The following INTS1 variants were observed in gnomAD, a reference collection of about 807,000 sequenced individuals.
INTS1 encodes the protein integrator complex subunit 1.
A neutral mutation model predicts 241.6 loss-of-function variants in INTS1; 137 were observed. The observed-to-expected ratio is 0.57, with a 90% confidence interval of 0.49 to 0.65. The LOEUF is 0.65. INTS1 is among the 30% of genes least tolerant of loss of function. The probability of loss-of-function intolerance (pLI) is 0.00; values close to 1 mark genes in which losing one functional copy is unlikely to be tolerated. For missense variants in INTS1, 3,073 were observed against 3,032.2 expected (o/e 1.01, Z -0.32); for synonymous variants, 1,692 against 1,337.8 (o/e 1.26, Z -5.78).
Position 1,472,389 on chromosome 7 carries a change from G to GTC in INTS1, c.6071-4_6071-3insGA. 6.5e-7 allele frequency: 1 copy of GTC among 1,535,090 alleles called. No homozygotes were observed. Among genetic ancestry groups the GTC allele is most frequent in the Non-Finnish European group, 8.8e-7 (1 of 1,135,772 alleles). On this transcript the variant is annotated splice_region_variant and splice_polypyrimidine_tract_variant and intron_variant, in intron 43 of 47. Transcript: ENST00000404767. Reference sequence around the variant, plus strand: ...CAAGGAGCCGGCTGAGCTCTCCTCTGGAAGACAGTGGCAGTGCTGCAGGAG... The same window carrying GTC: ...CAAGGAGCCGGCTGAGCTCTCCTCTGTCGAAGACAGTGGCAGTGCTGCAGGAG...
At chr7:1,471,067 C>G in intron 46 of INTS1, 66 bp downstream of exon 46, 20 of 1,527,282 alleles carry the variant, frequency 1.3e-5, no homozygotes, top group Non-Finnish European at 1.7e-5. Flanking sequence ...CCAGGCGGGT[C>G]AAGCGGTGAC....
Position 1,477,629 on chromosome 7 carries a change from T to C in INTS1, c.4859A>G (p.Asp1620Gly), listed in dbSNP as rs1319864452. 3 of 1,587,510 alleles carry C rather than the reference T, an allele frequency of 1.9e-6. No homozygotes were observed. Among genetic ancestry groups the C allele is most frequent in the East Asian group, 2.3e-5 (1 of 43,506 alleles). The stretch of plus-strand genomic sequence containing the variant: ...CTCGGGGTCCAGCATTTCCAGCCAG[T>C]CCACTAGGAGGCCTGACGAGGGCCC... The part of the protein sequence containing the change: ...RLGPSSGLLV[D>G]WLEMLDPEVV... Residue 1620 changes from aspartate (D) to glycine (G), a missense_variant, in exon 35 of 48, where the codon GAC becomes GGC. Asp to Gly is a moderately conservative substitution (Grantham distance 94, BLOSUM62 -1). Coordinates refer to ENST00000404767, the MANE Select transcript of INTS1 (RefSeq NM_001080453.3).
intron 24 of INTS1, 52 bp downstream of exon 24, chr7:1,485,046 T>G (rs976757172): frequency 3.5e-6 from 3 of 853,666 alleles, no homozygotes; most frequent in Admixed American, 2.6e-5. Context: ...CACTGCCGGC[T>G]GGCCCCGTCC....
rs748624418 is a variant in INTS1 at position 1,499,243 on chromosome 7, G to A, written c.950+12C>T. The A allele has an allele frequency of 5.0e-6, 8 of 1,608,380 alleles. No homozygotes were observed. In the East Asian group the frequency reaches 1.8e-4, roughly 36 times the overall value. Reference sequence around the variant, plus strand: ...GCCGCCCCCAACTGGGACCGGGCAGGCACGCAGCTACCTGGGCATGAGCTG... The same window carrying A: ...GCCGCCCCCAACTGGGACCGGGCAGACACGCAGCTACCTGGGCATGAGCTG... On this transcript the variant is annotated intron_variant, in intron 7 of 47. Coordinates refer to ENST00000404767, the MANE Select transcript of INTS1 (RefSeq NM_001080453.3).
intron 45 of INTS1, 148 bp from the exon 46 acceptor site, chr7:1,471,372 T>C: frequency 9.7e-7 from 1 of 1,030,510 alleles, no homozygotes; most frequent in Non-Finnish European, 1.4e-6. Context: ...CACTGGCCGG[T>C]CCCAGCCCGG....
intron 45 of INTS1, 115 bp from the exon 46 acceptor site, chr7:1,471,339 TC>T (rs1159951364): frequency 2.6e-6 from 3 of 1,154,382 alleles, no homozygotes; most frequent in East Asian, 2.6e-5. Context: ...TAGGCCCCTA[TC>T]CAGAAGGCAG....
rs780335785 is a variant in INTS1 at position 1,485,208 on chromosome 7, G to A, written c.3157-6C>T. On this transcript the variant is annotated splice_region_variant and splice_polypyrimidine_tract_variant and intron_variant, in intron 23 of 47. Transcript: ENST00000404767. ...TCAGTCTCCATGTGGATTGCCTGGA[G>A]GGGAGGGTGGTCTGAGCGGCAACAG... 5.0e-6 allele frequency: 8 copies of A among 1,599,828 alleles called. No individual in the cohort carries two copies. The African/African-American group carries it at 5.3e-5, about 11-fold the overall frequency.
chr7:1,500,158 C>A lies in INTS1; in HGVS notation c.546+12G>T, dbSNP rs376532836. 3.2e-6 allele frequency: 5 copies of A among 1,581,684 alleles called. No individual in the cohort carries two copies. Among genetic ancestry groups the A allele is most frequent in the Admixed American group, 3.5e-5 (2 of 57,414 alleles). ...AGCGCTGCTCGCCTCCTGCCAGGGG[C>A]CCGGCTCAAACCTCAATGACGCCCT... On this transcript the variant is annotated intron_variant, in intron 4 of 47. Transcript: ENST00000404767.
At chr7:1,473,724 C>T in intron 41 of INTS1, 31 bp from the exon 42 acceptor site, 1 of 1,611,454 alleles carries the variant, frequency 6.2e-7, no homozygotes, top group Non-Finnish European at 8.5e-7. Context: ...CCTCGAGCTG[C>T]TCTGCCCCGC....
chr7:1,480,377 C>T lies in INTS1; in HGVS notation c.4014G>A (p.Arg1338=), dbSNP rs765105302. Residue 1338 remains arginine, a synonymous_variant, in exon 30 of 48, where the codon CGG becomes CGA. Coordinates refer to ENST00000404767, the MANE Select transcript of INTS1 (RefSeq NM_001080453.3). Reference sequence around the variant, plus strand: ...CCAGCACCCGGAGCTGGGTCCCCACCCGAATCCGGCCCTGGCCTATGGGCT... The same window carrying T: ...CCAGCACCCGGAGCTGGGTCCCCACTCGAATCCGGCCCTGGCCTATGGGCT... ...PEQPIGQGRI[R]VGTQLRVLGP... The T allele has an allele frequency of 5.6e-6, 9 of 1,612,464 alleles. No homozygotes were observed. The South Asian group carries it at 9.9e-5, about 18-fold the overall frequency.
rs768591807 is a variant in INTS1 at position 1,474,368 on chromosome 7, C to T, written c.5637-8G>A. The T allele has an allele frequency of 1.7e-5, 27 of 1,581,434 alleles. 1 individual carries two copies. The East Asian group carries it at 2.0e-4, about 12-fold the overall frequency. Reference sequence around the variant, plus strand: ...GCGATCATGGGCAGGTGCCTGCGGGCGCGGTGAGGGCCCAGTCAGCCCCGG... The same window carrying T: ...GCGATCATGGGCAGGTGCCTGCGGGTGCGGTGAGGGCCCAGTCAGCCCCGG... On this transcript the variant is annotated splice_polypyrimidine_tract_variant and splice_region_variant and intron_variant, in intron 40 of 47. Transcript: ENST00000404767.
chr7:1,473,324 C>T (rs73267814), intron 42 of INTS1, 140 bp from the exon 43 acceptor site: 4,267 of 418,138 alleles, frequency 0.01, 89 homozygotes, highest in African/African-American at 0.057. Context: ...GAGGGCCGGG[C>T]GGGGAAGCCA....
rs369552239 is a variant in INTS1, at chr7:1,470,696, T to G, written c.6458-4A>C. The G allele has an allele frequency of 6.5e-7, 1 of 1,538,228 alleles. No individual in the cohort carries two copies. The highest frequency in any genetic ancestry group is 8.8e-7 in the Non-Finnish European group (1 of 1,140,370). On this transcript the variant is annotated splice_polypyrimidine_tract_variant and splice_region_variant and intron_variant, in intron 47 of 47. Transcript: ENST00000404767. ...TGGAGCAGCACAGCCGCGTGCTCTG[T>G]GGGGGAAACGGGGCCCTGCACGTCA...
chr7:1,487,254 A>G, intron 20 of INTS1, 66 bp downstream of exon 20: 1 of 1,537,480 alleles, frequency 6.5e-7, no homozygotes, highest in Non-Finnish European at 8.8e-7. Context: ...CTGGCCACCA[A>G]GGCCTCCGGA....
rs947489494 is a variant in INTS1 at position 1,493,167 on chromosome 7, C to T, written c.2069-61G>A. The T allele has an allele frequency of 4.1e-5, 54 of 1,302,352 alleles. No individual in the cohort carries two copies. Among genetic ancestry groups the T allele is most frequent in the Non-Finnish European group, 5.4e-5 (50 of 931,012 alleles). The allele number at this position is 1,302,352 out of a possible 1,614,324, so 80.7% of individuals were successfully genotyped here. A position where few individuals can be genotyped will look rare whatever the true frequency, so the allele number is the denominator to read the frequency against. On this transcript the variant is annotated intron_variant, in intron 15 of 47. Transcript: ENST00000404767. This position sits in a 1 kb window ranked among gnomAD's most constrained non-coding sequence, Gnocchi z 5.3. ...CTCACAGACCATCAGGCACAGGCAG[C>T]GAGGGAACCGGCCCTGCTCGGGCCG... is the stretch of plus-strand genomic sequence containing the variant.
At position 1,490,921 on chromosome 7, in the gene INTS1, A is replaced by G. The variant is rs148315409; in HGVS notation, c.2166-1239T>C. On this transcript the variant is annotated intron_variant, in intron 16 of 47. Coordinates refer to ENST00000404767, the MANE Select transcript of INTS1 (RefSeq NM_001080453.3). The stretch of plus-strand genomic sequence containing the variant: ...TCAACCCTCTCACCTACATGCAACA[A>G]GAGTCCAGAGGTCAACCCTCAAACT... Among the ~76,000 whole-genome samples, 19 of 152,368 alleles carry G rather than the reference A, an allele frequency of 1.2e-4. No homozygotes were observed. In the East Asian group the frequency reaches 3.5e-3, roughly 28 times the overall value.
rs748373297 is a variant in INTS1, at chr7:1,477,904, G to C, written c.4663C>G (p.His1555Asp). The C allele has an allele frequency of 6.2e-7, 1 of 1,612,520 alleles. No individual in the cohort carries two copies. The highest frequency in any genetic ancestry group is 1.1e-5 in the South Asian group (1 of 91,088). The change falls in exon 34 of 48, where the codon CAC becomes GAC. Residue 1555 changes from histidine (H) to aspartate (D), a missense_variant. By Grantham distance (81) the His-to-Asp change is moderately conservative. Transcript: ENST00000404767. Reference sequence around the variant, plus strand: ...AATGCAGTCAGCAGCTCCTCCAGGTGGGGGGACCTCACCTCGATCAGCCCC... The same window carrying C: ...AATGCAGTCAGCAGCTCCTCCAGGTCGGGGGACCTCACCTCGATCAGCCCC... ...LQGLIEVRSP[H>D]LEELLTAFFS... is the part of the protein sequence containing the mutation.
chr7:1,496,542 G>A lies in INTS1; in HGVS notation c.1603-278C>T, dbSNP rs547668329. Reference sequence around the variant, plus strand: ...GCAGCACGCACACACTTGCACATGCGCACACATACACACACACAAGCAGGG... The same window carrying A: ...GCAGCACGCACACACTTGCACATGCACACACATACACACACACAAGCAGGG... On this transcript the variant is annotated intron_variant, in intron 11 of 47. Transcript: ENST00000404767. Among the ~76,000 whole-genome samples the A allele has an allele frequency of 3.0e-4, 45 of 152,196 alleles. 1 individual carries two copies. The highest frequency in any genetic ancestry group is 9.4e-4 in the African/African-American group (39 of 41,538).
chr7:1,487,913 C>T lies in INTS1; in HGVS notation c.2363G>A (p.Arg788Gln), dbSNP rs759843212. Reference sequence around the variant, plus strand: ...CAGCTCACGGTTCAGCATCTCCGTCCGGGTCTCCTCATCCGTCAGGGTGCA... The same window carrying T: ...CAGCTCACGGTTCAGCATCTCCGTCTGGGTCTCCTCATCCGTCAGGGTGCA... ...PPCTLTDEET[R>Q]TEMLNRELQT... The change falls in exon 19 of 48, where the codon CGG becomes CAG. Residue 788 changes from arginine to glutamine, a missense_variant. By Grantham distance (43) the Arg-to-Gln change is conservative. Transcript: ENST00000404767. 8.7e-6 allele frequency: 14 copies of T among 1,613,322 alleles called. No homozygotes were observed. Among genetic ancestry groups the T allele is most frequent in the East Asian group, 2.2e-5 (1 of 44,874 alleles).
Sources: gnomAD v4.1 joint callset for allele counts (sites outside exome capture counted in the v4.1 genomes callset) on GRCh38, gnomAD v4.1.1 for gene constraint, Gnocchi (gnomAD v3.1) non-coding constraint, MANE v1.5 for transcripts, NCBI Gene and HGNC (gene_info 2026-07-23, HGNC 2026-07-21) for gene names.